VPS54: variants seen among roughly 807,000 people sequenced by gnomAD.
The protein encoded by VPS54 is VPS54 subunit of GARP complex.
A neutral mutation model predicts 121.5 loss-of-function variants in VPS54; 45 were observed. That is an observed-to-expected ratio of 0.37 (90% confidence interval 0.29 to 0.47). VPS54 has a LOEUF of 0.47. Ranked by LOEUF, VPS54 falls within the 20% of genes least tolerant of loss-of-function variation. The pLI is 0.99. For synonymous variants in VPS54, 371 were observed against 385.8 expected (o/e 0.96, Z 0.45); for missense variants, 1,090 against 1,131.4 (o/e 0.96, Z 0.52).
intron 1 of VPS54, among the ~76,000 whole-genome samples, chr2:64,005,134 C>A (rs1281749053): frequency 9.3e-6 from 1 of 107,870 alleles, no homozygotes; most frequent in African/African-American, 3.9e-5. Context: ...GACGGAGTCC[C>A]GCTCTTTAGC....
chr2:63,999,116 A>G (rs1375162332), intron 1 of VPS54, among the ~76,000 whole-genome samples: 1 of 151,802 alleles, frequency 6.6e-6, no homozygotes, highest in Non-Finnish European at 1.5e-5. Context: ...ATGCCTGGCT[A>G]ATTTTTGTTT....
At chr2:64,015,523 G>A (rs1198316097) in intron 1 of VPS54, among the ~76,000 whole-genome samples, 1 of 152,076 alleles carries the variant, frequency 6.6e-6, no homozygotes, top group Non-Finnish European at 1.5e-5. Context: ...TTGACATTTT[G>A]AACCGGATAA....
intron 12 of VPS54, among the ~76,000 whole-genome samples, chr2:63,929,409 A>G (rs1674074787): frequency 6.6e-6 from 1 of 152,226 alleles, no homozygotes; most frequent in Non-Finnish European, 1.5e-5. Flanking sequence ...CTGCTCCTGA[A>G]TGACTACTGG....
intron 1 of VPS54, among the ~76,000 whole-genome samples, chr2:63,997,662 TG>T (rs1345872370): frequency 2.0e-5 from 3 of 152,030 alleles, no homozygotes; most frequent in Non-Finnish European, 4.4e-5. Flanking sequence ...AACGTTTTAT[TG>T]ATCTTTTGTC....
intron 6 of VPS54, 113 bp downstream of exon 6, chr2:63,965,722 A>T: frequency 6.9e-7 from 1 of 1,449,876 alleles, no homozygotes; most frequent in Non-Finnish European, 9.3e-7. Flanking sequence ...TATCAGTAAG[A>T]ACAAAAATGA....
intron 1 of VPS54, among the ~76,000 whole-genome samples, chr2:63,989,334 C>G (rs1677205212): frequency 6.6e-6 from 1 of 152,172 alleles, no homozygotes; most frequent in Non-Finnish European, 1.5e-5. Flanking sequence ...TATTCGTATA[C>G]TCCCTCTTCT....
At position 63,916,907 on chromosome 2, in the gene VPS54, C is replaced by T. The variant is rs1198310335; in HGVS notation, c.2221G>A (p.Val741Ile). The T allele has an allele frequency of 6.2e-6, 10 of 1,613,560 alleles. No homozygotes were observed. Among genetic ancestry groups the T allele is most frequent in the South Asian group, 4.4e-5 (4 of 91,042 alleles). The change falls in exon 16 of 23, where the codon GTT (valine) becomes ATT (isoleucine). Residue 741 changes from valine (V) to isoleucine (I), a missense_variant. Physicochemically the swap from Val to Ile is conservative, Grantham distance 29 (BLOSUM62 3). Around this residue, in one of 2 missense-constraint regions of VPS54, gnomAD observed 289 missense variants for 374.4 expected, o/e 0.77. Coordinates refer to ENST00000272322, the MANE Select transcript of VPS54 (RefSeq NM_016516.3). Reference sequence around the variant, plus strand: ...GAAAAATGTGTCACTCACCCAACAACTGCATACTGTTGTCCCTCGACAATA... The same window carrying T: ...GAAAAATGTGTCACTCACCCAACAATTGCATACTGTTGTCCCTCGACAATA... ...VLIVEGQQYA[V>I]VGTVLLLIRI...
At chr2:64,016,271 AC>A (rs1397930279) in intron 1 of VPS54, among the ~76,000 whole-genome samples, 1 of 152,218 alleles carries the variant, frequency 6.6e-6, no homozygotes, top group African/African-American at 2.4e-5. Context: ...GCTGAATACA[AC>A]CAAAAAGTGT....
At chr2:63,994,070 T>C (rs1677463849) in intron 1 of VPS54, among the ~76,000 whole-genome samples, 1 of 152,148 alleles carries the variant, frequency 6.6e-6, no homozygotes, top group Non-Finnish European at 1.5e-5. Context: ...CGCCCTCAGA[T>C]GTGGTGAGAT....
At position 63,962,302 on chromosome 2, in the gene VPS54, G is replaced by T; in HGVS notation, c.766C>A (p.Arg256=). The change falls in exon 7 of 23, where the codon CGA becomes AGA. Residue 256 remains arginine (R), a synonymous_variant. Coordinates refer to ENST00000272322, the MANE Select transcript of VPS54 (RefSeq NM_016516.3). ...TTATCAATCTGTGCAATTTTATCTC[G>T]AAGCATTTTTACAGCCTGGGAAGTT... ...RKTSQAVKML[R]DKIAQIDKVM... 6.2e-7 allele frequency: 1 copy of T among 1,613,976 alleles called. No individual in the cohort carries two copies. Among genetic ancestry groups the T allele is most frequent in the Non-Finnish European group, 8.5e-7 (1 of 1,179,926 alleles).
At chr2:63,984,083 C>T (rs575377558) in intron 1 of VPS54, 64 bp from the exon 2 acceptor site, 3 of 1,341,284 alleles carry the variant, frequency 2.2e-6, no homozygotes, top group East Asian at 2.6e-5. Context: ...TTATACATGT[C>T]ACAAATTTTC....
At chr2:63,969,823 T>C (rs1676182058) in intron 4 of VPS54, among the ~76,000 whole-genome samples, 1 of 152,150 alleles carries the variant, frequency 6.6e-6, no homozygotes, top group African/African-American at 2.4e-5. Flanking sequence ...TGCTATGTAA[T>C]TTTAAAAAAT....
chr2:63,921,261 C>T lies in VPS54; in HGVS notation c.1814G>A (p.Ser605Asn), dbSNP rs759392696. The change falls in exon 13 of 23, where the codon AGT becomes AAT. Residue 605 changes from serine (S) to asparagine (N), a missense_variant. Transcript: ENST00000272322. ...LANNIQELLY[S>N]ASDICHDRAV... ...TCGATCATGGCATATATCTGAGGCA[C>T]TATATAATAATTCCTGGATATTATT... is the stretch of plus-strand genomic sequence containing the variant. The T allele has an allele frequency of 6.2e-7, 1 of 1,613,164 alleles. No individual in the cohort carries two copies. The highest frequency in any genetic ancestry group is 8.5e-7 in the Non-Finnish European group (1 of 1,179,540).
At chr2:63,967,712 C>A (rs1676068392) in intron 5 of VPS54, among the ~76,000 whole-genome samples, 2 of 17,516 alleles carry the variant, frequency 1.1e-4, no homozygotes, top group African/African-American at 2.5e-4. Context: ...GAGAGAGACT[C>A]TGCCTCAAAA....
intron 5 of VPS54, among the ~76,000 whole-genome samples, chr2:63,966,496 TTATATTTTGTAAATA>T (rs1407059123): frequency 6.6e-6 from 1 of 152,224 alleles, no homozygotes; most frequent in East Asian, 1.9e-4. Context: ...GGCCTACCCG[TTATATTTTGTAAATA>T]TACCTTGAAT....
At chr2:63,980,894 G>C (rs1253771783) in intron 3 of VPS54, among the ~76,000 whole-genome samples, 1 of 151,688 alleles carries the variant, frequency 6.6e-6, no homozygotes, top group Non-Finnish European at 1.5e-5. Context: ...TACACACAAA[G>C]GCAAATAAAA....
intron 7 of VPS54, among the ~76,000 whole-genome samples, chr2:63,958,033 A>G (rs550869082): frequency 2.0e-5 from 3 of 151,518 alleles, no homozygotes; most frequent in East Asian, 1.9e-4. Flanking sequence ...TATAGACAGG[A>G]AAAAAAAAGA....
At chr2:63,931,330 G>C (rs1427566878) in intron 12 of VPS54, among the ~76,000 whole-genome samples, 1 of 152,070 alleles carries the variant, frequency 6.6e-6, no homozygotes, top group Non-Finnish European at 1.5e-5. Flanking sequence ...GAACAGAACA[G>C]AGGCCTCAGA....
At chr2:63,953,039 T>A (rs1414076647) in intron 7 of VPS54, among the ~76,000 whole-genome samples, 2 of 150,628 alleles carry the variant, frequency 1.3e-5, no homozygotes, top group Non-Finnish European at 3.0e-5. Context: ...TACCTATACA[T>A]ACAGCTATAG....
Sources: allele counts gnomAD v4.1 joint callset (sites outside exome capture counted in the v4.1 genomes callset), GRCh38; gene constraint gnomAD v4.1.1; regional missense constraint gnomAD v4.1.1; transcripts MANE v1.5; gene names NCBI Gene and HGNC (gene_info 2026-07-23, HGNC 2026-07-21).